CLDN16: variants seen among roughly 807,000 people sequenced by gnomAD.
The protein encoded by CLDN16 is claudin 16, also known as claudin-16.
A neutral mutation model predicts 24.6 loss-of-function variants in CLDN16; 13 were observed. The observed-to-expected ratio is 0.53, with a 90% confidence interval of 0.34 to 0.84. The LOEUF (loss-of-function observed/expected upper bound fraction) is 0.84, where lower values mean the gene tolerates loss of function less well. Ranked by LOEUF, CLDN16 falls within the 40% of genes least tolerant of loss-of-function variation. The pLI, the probability that CLDN16 is intolerant of heterozygous loss-of-function variation, is 0.01. For missense variants in CLDN16, 298 were observed against 292.7 expected, an observed-to-expected ratio of 1.02 and a Z score of -0.13; for synonymous variants, 116 against 106.7, an observed-to-expected ratio of 1.09 and a Z score of -0.54.
At chr3:190,387,105 C>G (rs1351078900), upstream of CLDN16, among the ~76,000 whole-genome samples, 5 of 152,112 alleles carry the variant, frequency 3.3e-5, no homozygotes, top group Non-Finnish European at 5.9e-5. Flanking sequence ...CTTTGACATT[C>G]TCTCCTACAT....
chr3:190,342,782 A>G (rs1227116511), intron 1 of CLDN16, among the ~76,000 whole-genome samples: 1 of 152,162 alleles, frequency 6.6e-6, no homozygotes, highest in Non-Finnish European at 1.5e-5. Context: ...AATACATTGG[A>G]CCCTTCCAGC....
rs1266809940 is a variant in CLDN16 at position 190,411,110 on chromosome 3, A to C, written c.*1074A>C. 1 of 151,996 alleles carries C rather than the reference A, an allele frequency of 6.6e-6. No individual in the cohort carries two copies. Among genetic ancestry groups the C allele is most frequent in the Non-Finnish European group, 1.5e-5 (1 of 68,056 alleles). 9.4% of individuals were successfully genotyped at this position (151,996 alleles called of 1,614,324 possible). A position where few individuals can be genotyped will look rare whatever the true frequency, so the allele number is the denominator to read the frequency against. On this transcript the variant is annotated 3_prime_UTR_variant, in exon 5 of 5. Transcript: ENST00000264734. ...ACCCTGTCTCTACTAAAAATACAAA[A>C]ATTAGCCGGGCGTGGTGGCGGTGCC...
intron 1 of CLDN16, among the ~76,000 whole-genome samples, chr3:190,357,185 A>G (rs1717793145): frequency 6.6e-6 from 1 of 151,922 alleles, no homozygotes; most frequent in Admixed American, 6.6e-5. Context: ...TCCTATGAGT[A>G]TGTCCTAATG....
At chr3:190,378,665 G>A (rs563066239) in intron 3 of CLDN16, among the ~76,000 whole-genome samples, 5 of 152,140 alleles carry the variant, frequency 3.3e-5, no homozygotes, top group Admixed American at 2.6e-4. Context: ...ACAAGTAACA[G>A]GTGAAATGGA....
At chr3:190,390,234 G>C (rs1409232006) in intron 1 of CLDN16, among the ~76,000 whole-genome samples, 2 of 152,082 alleles carry the variant, frequency 1.3e-5, no homozygotes, top group African/African-American at 4.8e-5. Context: ...TTCCCAAGAA[G>C]CCTTCACATT....
chr3:190,368,483 A>C (rs1379810269), intron 1 of CLDN16, among the ~76,000 whole-genome samples: 2 of 151,966 alleles, frequency 1.3e-5, no homozygotes, highest in Non-Finnish European at 2.9e-5. Flanking sequence ...GTTGTTTTAA[A>C]CTGCTAAGTT....
Position 190,335,179 on chromosome 3 carries a change from G to A in CLDN16, n.121+12518G>A, listed in dbSNP as rs182801387. Reference sequence around the variant, plus strand: ...CTGCCACAGCCTCCCTAGTAGCTGAGATTACAGGCACCCGCCACCATGCCC... The same window carrying A: ...CTGCCACAGCCTCCCTAGTAGCTGAAATTACAGGCACCCGCCACCATGCCC... On this transcript the variant is annotated intron_variant and non_coding_transcript_variant, in intron 1 of 4. Coordinates refer to the CLDN16 transcript ENST00000468220. Among the ~76,000 whole-genome samples the A allele has an allele frequency of 1.7e-3, 254 of 151,864 alleles. 3 individuals carry two copies. In the Middle Eastern group the frequency reaches 0.024, roughly 14 times the overall value.
At chr3:190,316,179 A>G in the CLDN16 span, among the ~76,000 whole-genome samples, 1 of 152,234 alleles carries the variant, frequency 6.6e-6, no homozygotes, top group Non-Finnish European at 1.5e-5. Context: ...AGAAAATGGA[A>G]AACACAATAT....
At chr3:190,368,832 C>T (rs1186910324) in intron 1 of CLDN16, among the ~76,000 whole-genome samples, 4 of 151,836 alleles carry the variant, frequency 2.6e-5, no homozygotes, top group Non-Finnish European at 5.9e-5. Flanking sequence ...GTATTTTTTC[C>T]CTTTTCTAAG....
chr3:190,361,886 C>T (rs138161764), intron 1 of CLDN16, among the ~76,000 whole-genome samples: 111 of 151,818 alleles, frequency 7.3e-4, no homozygotes, highest in Admixed American at 2.3e-3. Flanking sequence ...TTTGTTACCA[C>T]TTGTACTGTA....
intron 3 of CLDN16, among the ~76,000 whole-genome samples, chr3:190,378,750 T>C (rs571416719): frequency 6.6e-6 from 1 of 152,156 alleles, no homozygotes; most frequent in Admixed American, 6.6e-5. Context: ...CCCTGACTCA[T>C]CTACATTGGC....
intron 1 of CLDN16, among the ~76,000 whole-genome samples, chr3:190,325,167 G>A (rs984762115): frequency 1.1e-4 from 16 of 152,222 alleles, no homozygotes; most frequent in South Asian, 2.1e-4. Context: ...CTATCTCTAC[G>A]TGCAGGTAAC....
the CLDN16 span, among the ~76,000 whole-genome samples, chr3:190,301,929 T>C: frequency 6.6e-6 from 1 of 152,214 alleles, no homozygotes; most frequent in Non-Finnish European, 1.5e-5. Context: ...TCAAGACTTA[T>C]TATCTTTTGC....
chr3:190,410,794 C>T lies in CLDN16; in HGVS notation c.*758C>T, dbSNP rs1719257142. 1 of 152,258 alleles carries T rather than the reference C, an allele frequency of 6.6e-6. No individual in the cohort carries two copies. Among genetic ancestry groups the T allele is most frequent in the Non-Finnish European group, 1.5e-5 (1 of 68,026 alleles). 9.4% of individuals were successfully genotyped at this position (152,258 alleles called of 1,614,324 possible). ...CAGAATAGTTCAACCAGAGAATTTA[C>T]TCATTTATTGATTAAACATCCAAAT... On this transcript the variant is annotated 3_prime_UTR_variant, in exon 5 of 5. Coordinates refer to ENST00000264734, the MANE Select transcript of CLDN16 (RefSeq NM_006580.4).
chr3:190,341,273 C>T (rs113317002), intron 1 of CLDN16, among the ~76,000 whole-genome samples: 5,946 of 152,258 alleles, frequency 0.039, 380 homozygotes, highest in African/African-American at 0.13. Context: ...AAGGACCCCA[C>T]CCCTGTAGCA....
In CLDN16 at chr3:190,408,480, C is replaced by A; in HGVS notation, c.549C>A (p.Leu183=). The A allele has an allele frequency of 6.2e-7, 1 of 1,614,014 alleles. No homozygotes were observed. Among genetic ancestry groups the A allele is most frequent in the Non-Finnish European group, 8.5e-7 (1 of 1,179,994 alleles). The change falls in exon 4 of 5, where the codon CTC becomes CTA. Residue 183 remains leucine (L), a synonymous_variant. Transcript: ENST00000264734. ...GTTGCTTTTTGGCTGGAGCTGTTCT[C>A]ACCTGCTGCTTATATCTTTTTAAAG... ...SLGCFLAGAV[L]TCCLYLFKDV...
At chr3:190,364,161 C>T (rs933746932) in intron 1 of CLDN16, among the ~76,000 whole-genome samples, 25 of 151,726 alleles carry the variant, frequency 1.6e-4, no homozygotes, top group African/African-American at 6.1e-4. Flanking sequence ...AATAGGACAC[C>T]CACATGTGAG....
At chr3:190,363,556 G>GTGTATA (rs1301414615) in intron 1 of CLDN16, among the ~76,000 whole-genome samples, 53 of 87,362 alleles carry the variant, frequency 6.1e-4, no homozygotes, top group African/African-American at 2.3e-3. Flanking sequence ...GTGTGTGTGT[G>GTGTATA]TATATATATA....
chr3:190,304,829 GT>G, the CLDN16 span, among the ~76,000 whole-genome samples: 1 of 152,152 alleles, frequency 6.6e-6, no homozygotes, highest in African/African-American at 2.4e-5. Context: ...ACAAAGTGAA[GT>G]TTTCTCTTGA....
Sources: allele counts gnomAD v4.1 joint callset (sites outside exome capture counted in the v4.1 genomes callset), GRCh38; gene constraint gnomAD v4.1.1; transcripts MANE v1.5; gene names NCBI Gene and HGNC (gene_info 2026-07-23, HGNC 2026-07-21).